MYRIP: variants seen among roughly 807,000 people sequenced by gnomAD.
The protein encoded by MYRIP is myosin VIIA and Rab interacting protein.
MYRIP carries 49 observed loss-of-function variants against 98.0 expected under a neutral mutation model. The ratio of observed to expected loss-of-function variants is 0.50; its 90% confidence interval spans 0.40 to 0.63. MYRIP has a LOEUF of 0.63. Ranked by LOEUF, MYRIP falls within the 30% of genes least tolerant of loss-of-function variation. The pLI, the probability that MYRIP is intolerant of heterozygous loss-of-function variation, is 0.00. For synonymous variants in MYRIP, 404 were observed against 409.5 expected (o/e 0.99, Z 0.16); for missense variants, 1,004 against 1,058.2 (o/e 0.95, Z 0.71).
intron 3 of MYRIP, among the ~76,000 whole-genome samples, chr3:40,134,244 C>G (rs1325453871): frequency 6.6e-6 from 1 of 152,252 alleles, no homozygotes; most frequent in Non-Finnish European, 1.5e-5. Flanking sequence ...ATATCCCGCA[C>G]CTGGCTCGGA....
intron 1 of MYRIP, among the ~76,000 whole-genome samples, chr3:39,882,115 T>C (rs1372562293): frequency 6.6e-6 from 1 of 152,166 alleles, no homozygotes; most frequent in Admixed American, 6.6e-5. Context: ...CATGCTCCCT[T>C]TTTTCTTGTT....
At chr3:40,120,464 T>A (rs575105679) in intron 3 of MYRIP, among the ~76,000 whole-genome samples, 1 of 152,332 alleles carries the variant, frequency 6.6e-6, no homozygotes, top group East Asian at 1.9e-4. Context: ...CAGGCTCACA[T>A]CAGTGTGTCA....
intron 3 of MYRIP, among the ~76,000 whole-genome samples, chr3:40,086,406 T>C (rs992825562): frequency 1.3e-5 from 2 of 152,148 alleles, no homozygotes; most frequent in Non-Finnish European, 2.9e-5. Flanking sequence ...GAGGCTTCCT[T>C]TGGAGGGATG....
chr3:40,135,714 G>A (rs1220445710), intron 3 of MYRIP, among the ~76,000 whole-genome samples: 1 of 152,238 alleles, frequency 6.6e-6, no homozygotes, highest in Non-Finnish European at 1.5e-5. Context: ...CCAGAAGACA[G>A]TGGAGACCAA....
intron 3 of MYRIP, among the ~76,000 whole-genome samples, chr3:40,053,858 C>G (rs1288922373): frequency 6.6e-6 from 1 of 152,158 alleles, no homozygotes; most frequent in Non-Finnish European, 1.5e-5. Flanking sequence ...CTTGAAGGCA[C>G]TTGTGTCTAC....
rs144536534 is a variant in MYRIP, at chr3:39,941,956, T to C, written c.110+41030T>C. Among the ~76,000 whole-genome samples the C allele has an allele frequency of 5.7e-4, 87 of 152,284 alleles. 1 individual carries two copies. The highest frequency in any genetic ancestry group is 2.0e-3 in the African/African-American group (84 of 41,574). On this transcript the variant is annotated intron_variant, in intron 2 of 16. Coordinates refer to ENST00000302541, the MANE Select transcript of MYRIP (RefSeq NM_015460.4). The stretch of plus-strand genomic sequence containing the variant: ...ACAGTCATGTTGGTTACCCATTCAA[T>C]GTTTGCTCACTGGAGAAACATATCA...
At chr3:40,082,708 CA>C (rs1197294266) in intron 3 of MYRIP, among the ~76,000 whole-genome samples, 1 of 152,146 alleles carries the variant, frequency 6.6e-6, no homozygotes, top group African/African-American at 2.4e-5. Context: ...AAAACAAAAA[CA>C]GAAACTAACT....
chr3:40,250,476 A>C lies in MYRIP; in HGVS notation c.2405A>C (p.Lys802Thr). 3 of 1,614,180 alleles carry C rather than the reference A, an allele frequency of 1.9e-6. No individual in the cohort carries two copies. Among genetic ancestry groups the C allele is most frequent in the Non-Finnish European group, 2.5e-6 (3 of 1,180,018 alleles). ...GATACATCAAGGCAGCAAAGGAGGA[A>C]ACTGCCTGCTCCACCGGTGAAAGGT... ...TIDTSRQQRR[K>T]LPAPPVKAEK... The change falls in exon 15 of 17, where the codon AAA becomes ACA. Residue 802 changes from lysine (K) to threonine (T), a missense_variant. Around this residue, in one of 3 missense-constraint regions of MYRIP, gnomAD observed 108 missense variants for 111.1 expected, o/e 0.97. Coordinates refer to ENST00000302541, the MANE Select transcript of MYRIP (RefSeq NM_015460.4).
intron 2 of MYRIP, among the ~76,000 whole-genome samples, chr3:40,037,914 T>C (rs2125826064): frequency 6.6e-6 from 1 of 152,226 alleles, no homozygotes; most frequent in Non-Finnish European, 1.5e-5. Flanking sequence ...CTTGTGTTTT[T>C]CCTGGAAGTG....
chr3:40,048,988 C>G (rs1218104395), intron 3 of MYRIP, among the ~76,000 whole-genome samples: 1 of 152,058 alleles, frequency 6.6e-6, no homozygotes, highest in Non-Finnish European at 1.5e-5. Context: ...ACATATAGTA[C>G]TTGTATTTAA....
chr3:39,868,839 T>A (rs1476859647), intron 1 of MYRIP, among the ~76,000 whole-genome samples: 5 of 152,172 alleles, frequency 3.3e-5, no homozygotes, highest in Admixed American at 6.5e-5. Context: ...GTTGATAGTC[T>A]TTTTCTTTCA....
At chr3:39,822,776 A>T (rs931041825) in intron 1 of MYRIP, among the ~76,000 whole-genome samples, 1 of 152,024 alleles carries the variant, frequency 6.6e-6, no homozygotes, top group African/African-American at 2.4e-5. Context: ...GAGTGAGAAC[A>T]TGCAGTGGTT....
intron 1 of MYRIP, among the ~76,000 whole-genome samples, chr3:39,823,913 C>T (rs1941190809): frequency 6.6e-6 from 1 of 151,906 alleles, no homozygotes; most frequent in Non-Finnish European, 1.5e-5. Flanking sequence ...GAAGTCTTAT[C>T]CATAAAATCT....
At chr3:39,833,756 C>T (rs750452846) in intron 1 of MYRIP, among the ~76,000 whole-genome samples, 4 of 152,180 alleles carry the variant, frequency 2.6e-5, no homozygotes, top group African/African-American at 9.6e-5. Context: ...CACGGTGGCT[C>T]ACGCCTGTAA....
intron 2 of MYRIP, among the ~76,000 whole-genome samples, chr3:39,942,039 T>C: frequency 6.6e-6 from 1 of 152,178 alleles, no homozygotes; most frequent in East Asian, 1.9e-4. Context: ...TCCAAGAACA[T>C]GCCCTGTGTT....
rs35783861 is a variant in MYRIP, at chr3:40,239,477, C to T, written c.2101-4969C>T. On this transcript the variant is annotated intron_variant, in intron 12 of 16. Coordinates refer to ENST00000302541, the MANE Select transcript of MYRIP (RefSeq NM_015460.4). ...TTCTAGTTCTAGATCCTTGAGGAAT[C>T]GCCACACTGACTTCCACAATGGTTG... Among the ~76,000 whole-genome samples the T allele has an allele frequency of 8.9e-3, 1,189 of 133,168 alleles. 1 individual carries two copies. Among genetic ancestry groups the T allele is most frequent in the Middle Eastern group, 0.033 (9 of 276 alleles). 87.4% of individuals were successfully genotyped at this position (133,168 alleles called of 152,430 possible).
At chr3:40,127,450 TGTA>T (rs1307954880) in intron 3 of MYRIP, among the ~76,000 whole-genome samples, 1 of 152,254 alleles carries the variant, frequency 6.6e-6, no homozygotes, top group Non-Finnish European at 1.5e-5. Flanking sequence ...TGGTCCCAGA[TGTA>T]GTTCCTTTCT....
intron 2 of MYRIP, among the ~76,000 whole-genome samples, chr3:39,913,953 C>A (rs1944088359): frequency 6.6e-6 from 1 of 152,184 alleles, no homozygotes; most frequent in Admixed American, 6.5e-5. Flanking sequence ...TATGAAATTT[C>A]TCTTCTTTCT....
At chr3:39,958,772 T>C (rs1488994432) in intron 2 of MYRIP, among the ~76,000 whole-genome samples, 2 of 152,208 alleles carry the variant, frequency 1.3e-5, no homozygotes, top group South Asian at 4.2e-4. Flanking sequence ...ATTTTTACCA[T>C]CTACCCATCT....
Sources: gnomAD v4.1 joint callset for allele counts (sites outside exome capture counted in the v4.1 genomes callset) on GRCh38, gnomAD v4.1.1 for gene constraint, gnomAD v4.1.1 regional missense constraint, MANE v1.5 for transcripts, NCBI Gene and HGNC (gene_info 2026-07-23, HGNC 2026-07-21) for gene names.